The following SLC4A10 variants were observed in gnomAD, a reference collection of about 807,000 sequenced individuals.
SLC4A10 encodes the protein sodium-driven chloride bicarbonate exchanger.
In SLC4A10, 42 loss-of-function variants were observed where a neutral mutation model predicts 137.7. That is an observed-to-expected ratio of 0.30 (90% CI 0.24 to 0.39). SLC4A10 has a LOEUF of 0.39. Among genes scored for constraint, SLC4A10 ranks in the 10% least tolerant of loss-of-function variants. SLC4A10 has a pLI of 1.00. For missense variants in SLC4A10, 925 were observed against 1,355.0 expected, an observed-to-expected ratio of 0.68 and a Z score of 4.98; for synonymous variants, 474 against 464.1, an observed-to-expected ratio of 1.02 and a Z score of -0.27.
intron 9 of SLC4A10, among the ~76,000 whole-genome samples, chr2:161,879,756 G>T (rs570483584): frequency 6.6e-6 from 1 of 151,972 alleles, no homozygotes; most frequent in African/African-American, 2.4e-5. Flanking sequence ...TTAGGATAGC[G>T]TCAAATATAT....
chr2:161,740,282 CA>C (rs2047750074), intron 1 of SLC4A10, among the ~76,000 whole-genome samples: 1 of 152,188 alleles, frequency 6.6e-6, no homozygotes, highest in Non-Finnish European at 1.5e-5. Flanking sequence ...GCTCCTCACA[CA>C]ATTCCAGAGT....
intron 2 of SLC4A10, among the ~76,000 whole-genome samples, chr2:161,773,800 C>T (rs1360295997): frequency 2.0e-5 from 3 of 151,844 alleles, no homozygotes; most frequent in Admixed American, 6.6e-5. Flanking sequence ...TTTTCTCTCT[C>T]TAAATCTGTT....
At chr2:161,666,650 A>G (rs560971616) in intron 1 of SLC4A10, among the ~76,000 whole-genome samples, 2 of 151,888 alleles carry the variant, frequency 1.3e-5, no homozygotes, top group Admixed American at 1.3e-4. Context: ...TTCATGAGCT[A>G]GTATTTCTCA....
At chr2:161,876,073 T>A (rs1367034387) in intron 8 of SLC4A10, among the ~76,000 whole-genome samples, 1 of 152,166 alleles carries the variant, frequency 6.6e-6, no homozygotes, top group African/African-American at 2.4e-5. Context: ...CTGTTTCTCA[T>A]CCACAGATTA....
chr2:161,868,391 A>G (rs2060893946), intron 6 of SLC4A10, among the ~76,000 whole-genome samples: 1 of 151,740 alleles, frequency 6.6e-6, no homozygotes, highest in Non-Finnish European at 1.5e-5. Flanking sequence ...TTTATGGTGT[A>G]ACAAGCAGAA....
chr2:161,814,251 G>A (rs968425104), intron 3 of SLC4A10, among the ~76,000 whole-genome samples: 5 of 152,172 alleles, frequency 3.3e-5, no homozygotes, highest in Non-Finnish European at 7.4e-5. Flanking sequence ...CAGTCAAAAT[G>A]GTGATTATCA....
chr2:161,645,640 A>G (rs1216132480), intron 1 of SLC4A10, among the ~76,000 whole-genome samples: 1 of 152,218 alleles, frequency 6.6e-6, no homozygotes, highest in East Asian at 1.9e-4. Context: ...AGCCTGCAGT[A>G]GGAAACACAT....
chr2:161,745,304 C>T (rs2048287887), intron 1 of SLC4A10, among the ~76,000 whole-genome samples: 1 of 152,154 alleles, frequency 6.6e-6, no homozygotes, highest in Admixed American at 6.6e-5. Context: ...CTGTCTCAAG[C>T]TCACTGATTC....
chr2:161,660,086 T>A (rs1266163828), intron 1 of SLC4A10, among the ~76,000 whole-genome samples: 1 of 152,146 alleles, frequency 6.6e-6, no homozygotes, highest in African/African-American at 2.4e-5. Flanking sequence ...CTAAAATTGA[T>A]TATAGTGATG....
chr2:161,647,900 G>A (rs989369812), intron 1 of SLC4A10, among the ~76,000 whole-genome samples: 3 of 152,142 alleles, frequency 2.0e-5, no homozygotes, highest in Non-Finnish European at 2.9e-5. Flanking sequence ...ACTAGTACTC[G>A]CTGCAGAGCA....
intron 15 of SLC4A10, among the ~76,000 whole-genome samples, chr2:161,915,270 C>T (rs1238286143): frequency 5.3e-5 from 8 of 152,088 alleles, no homozygotes; most frequent in Non-Finnish European, 7.4e-5. Flanking sequence ...TCCATCTCCC[C>T]GTCCGCTAAG....
chr2:161,846,064 T>G (rs2059472371), intron 4 of SLC4A10, among the ~76,000 whole-genome samples: 1 of 152,094 alleles, frequency 6.6e-6, no homozygotes, highest in African/African-American at 2.4e-5. Context: ...AAAGTATTTG[T>G]AAACCAGATA....
At chr2:161,843,707 A>T (rs184124212) in intron 4 of SLC4A10, among the ~76,000 whole-genome samples, 1 of 152,302 alleles carries the variant, frequency 6.6e-6, no homozygotes, top group Non-Finnish European at 1.5e-5. Flanking sequence ...TTTCACATGC[A>T]ATTTAATTCT....
At chr2:161,660,627 C>CTTTCTTG (rs1574175827) in intron 1 of SLC4A10, among the ~76,000 whole-genome samples, 1 of 59,356 alleles carries the variant, frequency 1.7e-5, no homozygotes, top group Non-Finnish European at 3.5e-5. Flanking sequence ...TTTCTTTCTT[C>CTTTCTTG]CTTTCCTTCT....
chr2:161,920,830 C>CA (rs1687995499), intron 15 of SLC4A10, among the ~76,000 whole-genome samples: 1 of 152,208 alleles, frequency 6.6e-6, no homozygotes, highest in African/African-American at 2.4e-5. Context: ...CTTACTCATT[C>CA]ACTCACTTAG....
chr2:161,751,160 TTTG>T (rs958944398), intron 1 of SLC4A10, among the ~76,000 whole-genome samples: 1 of 151,784 alleles, frequency 6.6e-6, no homozygotes, highest in African/African-American at 2.4e-5. Flanking sequence ...TTGCTTATTT[TTTG>T]TTGTTGTTGT....
chr2:161,715,807 C>T lies in SLC4A10; in HGVS notation c.49-55166C>T, dbSNP rs185997099. ...AATAGTGCTGCAATGAATATACGCA[C>T]GCATGTATCTTTATAATAGAATGAT... On this transcript the variant is annotated intron_variant, in intron 1 of 26. Transcript: ENST00000446997. 2.3e-3 allele frequency among the ~76,000 whole-genome samples: 356 copies of T among 152,044 alleles called. 5 individuals carry two copies. Among genetic ancestry groups the T allele is most frequent in the African/African-American group, 1.3e-3 (52 of 41,456 alleles).
At chr2:161,917,862 A>G (rs965729119) in intron 15 of SLC4A10, among the ~76,000 whole-genome samples, 2 of 152,330 alleles carry the variant, frequency 1.3e-5, no homozygotes, top group African/African-American at 2.4e-5. Context: ...TAGGTGTTCA[A>G]TAAATATTTG....
chr2:161,832,338 G>A (rs1324363550), intron 3 of SLC4A10, among the ~76,000 whole-genome samples: 1 of 152,138 alleles, frequency 6.6e-6, no homozygotes, highest in Non-Finnish European at 1.5e-5. Context: ...GGCAAATCCT[G>A]ATACCCTTCA....
Sources: gnomAD v4.1 joint callset for allele counts (sites outside exome capture counted in the v4.1 genomes callset) on GRCh38, gnomAD v4.1.1 for gene constraint, MANE v1.5 for transcripts, NCBI Gene and HGNC (gene_info 2026-07-23, HGNC 2026-07-21) for gene names.